The following UACA variants were observed in gnomAD, a reference collection of about 807,000 sequenced individuals.
UACA encodes the protein uveal autoantigen with coiled-coil domains and ankyrin repeats.
A neutral mutation model predicts 160.5 loss-of-function variants in UACA; 112 were observed. The observed-to-expected ratio is 0.70, with a 90% CI of 0.60 to 0.82. UACA has a LOEUF of 0.82. Ranked by LOEUF, UACA falls within the 40% of genes least tolerant of loss-of-function variation. UACA has a pLI of 0.00. For synonymous variants in UACA, 557 were observed against 568.4 expected (o/e 0.98, Z 0.29); for missense variants, 1,574 against 1,614.6 (o/e 0.97, Z 0.43).
the UACA span, among the ~76,000 whole-genome samples, chr15:70,770,167 C>A: frequency 6.6e-6 from 1 of 152,170 alleles, no homozygotes; most frequent in South Asian, 2.1e-4. Context: ...AAATTATTTT[C>A]TGCATGCTCC....
At chr15:70,775,905 A>T in the UACA span, among the ~76,000 whole-genome samples, 2 of 152,330 alleles carry the variant, frequency 1.3e-5, no homozygotes, top group East Asian at 3.9e-4. Flanking sequence ...TAAACAAAGG[A>T]TTCATTGACC....
At chr15:70,717,777 C>G (rs1898863301) in intron 1 of UACA, among the ~76,000 whole-genome samples, 1 of 152,150 alleles carries the variant, frequency 6.6e-6, no homozygotes, top group Non-Finnish European at 1.5e-5. Flanking sequence ...GATACAAGCA[C>G]AGATGTAACT....
In UACA at chr15:70,690,656, G is replaced by T. The variant is rs141755715; in HGVS notation, c.367-145C>A. ...GACTATCCGACAATCCATGAAATAT[G>T]CTGACATGGAACAAATACAGTAACA... On this transcript the variant is annotated intron_variant, in intron 4 of 18. Coordinates refer to ENST00000322954, the MANE Select transcript of UACA (RefSeq NM_018003.4). 114 of 616,950 alleles carry T rather than the reference G, an allele frequency of 1.8e-4. No homozygotes were observed. The African/African-American group carries it at 2.0e-3, about 11-fold the overall frequency. The allele number at this position is 616,950 out of a possible 1,614,324, so 38.2% of individuals were successfully genotyped here.
the UACA span, among the ~76,000 whole-genome samples, chr15:70,771,231 T>TA: frequency 6.6e-6 from 1 of 152,240 alleles, no homozygotes; most frequent in Non-Finnish European, 1.5e-5. Flanking sequence ...AGGAAGAACT[T>TA]ATGTTCACTA....
At chr15:70,671,006 T>A in intron 15 of UACA, 33 bp downstream of exon 15, 1 of 1,457,906 alleles carries the variant, frequency 6.9e-7, no homozygotes, top group East Asian at 2.4e-5. Flanking sequence ...TCTTTAAATG[T>A]TTTTTAAAAT....
chr15:70,669,662 CACA>C (rs1465133127), intron 15 of UACA, among the ~76,000 whole-genome samples, 200 bp from the exon 16 acceptor site: 1 of 152,114 alleles, frequency 6.6e-6, no homozygotes, highest in African/African-American at 2.4e-5. Context: ...TTAATACATT[CACA>C]ACATTTTGAG....
At chr15:70,706,284 A>G (rs1418913334) in intron 1 of UACA, among the ~76,000 whole-genome samples, 2 of 152,094 alleles carry the variant, frequency 1.3e-5, no homozygotes, top group Admixed American at 6.5e-5. Flanking sequence ...CCTCAACACA[A>G]TAAAGACCAT....
intron 9 of UACA, chr15:70,681,396 C>G (rs565792301): frequency 6.6e-6 from 1 of 151,922 alleles, no homozygotes; most frequent in Non-Finnish European, 1.5e-5. Flanking sequence ...CTATTTACAG[C>G]GTATATTTAG....
chr15:70,687,410 A>C, intron 7 of UACA, 130 bp downstream of exon 7: 1 of 756,030 alleles, frequency 1.3e-6, no homozygotes, highest in Non-Finnish European at 2.2e-6. Context: ...TTCCAAGGAA[A>C]AGCAAGCCAG....
At chr15:70,740,429 C>G (rs1346350306) in intron 1 of UACA, among the ~76,000 whole-genome samples, 2 of 143,312 alleles carry the variant, frequency 1.4e-5, no homozygotes, top group East Asian at 4.2e-4. Context: ...GCCTAGGCAA[C>G]GAAATGAGGC....
intron 3 of UACA, among the ~76,000 whole-genome samples, chr15:70,692,280 G>C (rs1371911397): frequency 6.6e-6 from 1 of 152,180 alleles, no homozygotes; most frequent in African/African-American, 2.4e-5. Flanking sequence ...TCACAGCTCA[G>C]CTTCCAGAGT....
In UACA at chr15:70,656,294, A is replaced by G. The variant is rs1337294398; in HGVS notation, c.*762T>C. On this transcript the variant is annotated 3_prime_UTR_variant, in exon 19 of 19. Transcript: ENST00000322954. ...AAAGTCTAAAGGTTTTCACACTTTG[A>G]AAAATCTAGTATATCATCTATCATT... is the stretch of plus-strand genomic sequence containing the variant. 1 of 152,176 alleles carries G rather than the reference A, an allele frequency of 6.6e-6. No homozygotes were observed. Among genetic ancestry groups the G allele is most frequent in the Non-Finnish European group, 1.5e-5 (1 of 68,014 alleles). 9.4% of individuals were successfully genotyped at this position (152,176 alleles called of 1,614,324 possible). A position where few individuals can be genotyped will look rare whatever the true frequency, so the allele number is the denominator to read the frequency against.
intron 9 of UACA, among the ~76,000 whole-genome samples, chr15:70,680,428 T>C (rs1365497923): frequency 6.6e-6 from 1 of 152,182 alleles, no homozygotes; most frequent in African/African-American, 2.4e-5. Context: ...TTCGAGATGA[T>C]TTTCTCATGT....
intron 1 of UACA, chr15:70,702,177 T>C (rs1595899432): frequency 8.2e-7 from 1 of 1,215,862 alleles, no homozygotes; most frequent in Non-Finnish European, 1.0e-6. Flanking sequence ...ACAGTAACTC[T>C]ATCTATTTCT....
chr15:70,767,239 C>CAAAAAAAAAAAAAAAAAA (rs747903027), upstream of UACA, among the ~76,000 whole-genome samples: 1 of 46,540 alleles, frequency 2.1e-5, no homozygotes, highest in Non-Finnish European at 4.0e-5. Context: ...GACTCCATCT[C>CAAAAAAAAAAAAAAAAAA]AAAAAAAAAA....
At chr15:70,696,884 T>A (rs759017604) in intron 2 of UACA, among the ~76,000 whole-genome samples, 1 of 152,212 alleles carries the variant, frequency 6.6e-6, no homozygotes, top group African/African-American at 2.4e-5. Flanking sequence ...GTCAACATTA[T>A]AATGATGATG....
At chr15:70,750,114 C>T (rs2029953221) in intron 1 of UACA, among the ~76,000 whole-genome samples, 1 of 152,008 alleles carries the variant, frequency 6.6e-6, no homozygotes, top group African/African-American at 2.4e-5. Context: ...CAACTTGGGC[C>T]CTCCTCTCCA....
chr15:70,657,922 T>TAA (rs67011580), intron 18 of UACA, among the ~76,000 whole-genome samples: 12 of 138,696 alleles, frequency 8.7e-5, no homozygotes, highest in Admixed American at 4.3e-4. Flanking sequence ...CGCAAAAACT[T>TAA]AAAAAAAAAA....
chr15:70,655,224 C>G lies in UACA; in HGVS notation c.*1832G>C, dbSNP rs1182759116. 1 of 152,020 alleles carries G rather than the reference C, an allele frequency of 6.6e-6. No homozygotes were observed. Among genetic ancestry groups the G allele is most frequent in the African/African-American group, 2.4e-5 (1 of 41,398 alleles). 9.4% of individuals were successfully genotyped at this position (152,020 alleles called of 1,614,324 possible). On this transcript the variant is annotated 3_prime_UTR_variant, in exon 19 of 19. Coordinates refer to ENST00000322954, the MANE Select transcript of UACA (RefSeq NM_018003.4). ...TGAATACTCAGTTTTAAACTTTGCT[C>G]TAAGTTTTATTTTATTTTATTTTGA...
Sources: allele counts gnomAD v4.1 joint callset (sites outside exome capture counted in the v4.1 genomes callset), GRCh38; gene constraint gnomAD v4.1.1; transcripts MANE v1.5; gene names NCBI Gene and HGNC (gene_info 2026-07-23, HGNC 2026-07-21).